Variants in PREX2 observed in about 807,000 individuals in gnomAD.
PREX2 encodes the protein phosphatidylinositol 3,4,5-trisphosphate-dependent Rac exchanger 2 protein.
PREX2 carries 107 observed loss-of-function variants against 203.2 expected under a neutral mutation model. The ratio of observed to expected loss-of-function variants is 0.53; its 90% CI spans 0.45 to 0.62. The LOEUF (loss-of-function observed/expected upper bound fraction) is 0.62. Ranked by LOEUF, PREX2 falls within the 20% of genes least tolerant of loss-of-function variation. The probability of loss-of-function intolerance (pLI) is 0.00; values close to 1 mark genes in which losing one functional copy is unlikely to be tolerated. For missense variants in PREX2, 1,777 were observed against 1,955.9 expected (o/e 0.91, Z 1.72); for synonymous variants, 672 against 663.6 (o/e 1.01, Z -0.19).
At chr8:68,178,477 T>G (rs1163240595) in intron 35 of PREX2, among the ~76,000 whole-genome samples, 1 of 151,994 alleles carries the variant, frequency 6.6e-6, no homozygotes, top group East Asian at 1.9e-4. Context: ...GGTTGCTTGT[T>G]TTTTTTTCTT....
intron 1 of PREX2, among the ~76,000 whole-genome samples, chr8:67,955,965 G>A (rs1805484626): frequency 6.6e-6 from 1 of 152,060 alleles, no homozygotes; most frequent in African/African-American, 2.4e-5. Flanking sequence ...ATTTAAATCA[G>A]GTATTGAGGT....
In PREX2 at chr8:68,121,058, G is replaced by A; in HGVS notation, c.3724+9G>A. The A allele has an allele frequency of 1.2e-6, 2 of 1,612,402 alleles. No individual in the cohort carries two copies. Among genetic ancestry groups the A allele is most frequent in the East Asian group, 2.2e-5 (1 of 44,848 alleles). On this transcript the variant is annotated intron_variant, in intron 30 of 39. Transcript: ENST00000288368. ...CAGGAAATTTGTTGAAGGTCAGCATGAAAAGCAAAGAACATTGCATGATAT... is the reference window on the plus strand; with the variant it reads ...CAGGAAATTTGTTGAAGGTCAGCATAAAAAGCAAAGAACATTGCATGATAT...
chr8:68,149,731 C>A (rs920238019), intron 34 of PREX2, among the ~76,000 whole-genome samples: 1 of 152,090 alleles, frequency 6.6e-6, no homozygotes, highest in Non-Finnish European at 1.5e-5. Context: ...CAGGCTCTGC[C>A]CCATGCAAAA....
Position 68,069,028 on chromosome 8 carries a change from C to T in PREX2, c.1340-5C>T, listed in dbSNP as rs1809104640. 2 of 1,262,076 alleles carry T rather than the reference C, an allele frequency of 1.6e-6. No individual in the cohort carries two copies. Among genetic ancestry groups the T allele is most frequent in the African/African-American group, 1.6e-5 (1 of 64,034 alleles). The allele number at this position is 1,262,076 out of a possible 1,614,324, so 78.2% of individuals were successfully genotyped here. ...TATTTTAATATAGTATTTCTATGTTCTTAGTTACTGATAAACATCAATTCA... is the reference window on the plus strand; with the variant it reads ...TATTTTAATATAGTATTTCTATGTTTTTAGTTACTGATAAACATCAATTCA... On this transcript the variant is annotated splice_region_variant and splice_polypyrimidine_tract_variant and intron_variant, in intron 11 of 39. Transcript: ENST00000288368.
intron 37 of PREX2, among the ~76,000 whole-genome samples, chr8:68,202,887 C>G (rs1480913564): frequency 6.6e-6 from 1 of 152,132 alleles, no homozygotes; most frequent in Non-Finnish European, 1.5e-5. Context: ...GTCTGAGAAC[C>G]AAGGAAGCCA....
chr8:68,087,657 CACG>C (rs1360928546), intron 18 of PREX2, 64 bp from the exon 19 acceptor site: 3 of 1,110,620 alleles, frequency 2.7e-6, no homozygotes, highest in Non-Finnish European at 4.2e-6. Context: ...TAAAGCTGTA[CACG>C]ACGATTATTT....
chr8:68,197,725 A>G (rs1464445662), intron 37 of PREX2, among the ~76,000 whole-genome samples: 2 of 148,340 alleles, frequency 1.3e-5, no homozygotes, highest in Non-Finnish European at 3.0e-5. Flanking sequence ...AATCTATGCT[A>G]TATATACATA....
chr8:68,047,413 A>G (rs1217755172), intron 8 of PREX2, among the ~76,000 whole-genome samples: 1 of 149,712 alleles, frequency 6.7e-6, no homozygotes, highest in Non-Finnish European at 1.5e-5. Context: ...GTCATTGCCA[A>G]AAGAAAAAAC....
intron 1 of PREX2, among the ~76,000 whole-genome samples, chr8:67,999,985 T>C (rs191774173): frequency 2.6e-5 from 4 of 152,274 alleles, no homozygotes; most frequent in Non-Finnish European, 5.9e-5. Flanking sequence ...TAAAACCACC[T>C]GTGACAAACC....
At chr8:68,051,482 C>A (rs1808525786) in intron 8 of PREX2, among the ~76,000 whole-genome samples, 1 of 152,048 alleles carries the variant, frequency 6.6e-6, no homozygotes, top group Non-Finnish European at 1.5e-5. Flanking sequence ...TGTTAGGTTA[C>A]AAGTGGTTAG....
chr8:68,015,625 A>G (rs1297855959), intron 1 of PREX2, among the ~76,000 whole-genome samples: 1 of 152,182 alleles, frequency 6.6e-6, no homozygotes, highest in Non-Finnish European at 1.5e-5. Context: ...CTTGCACGAG[A>G]GGTTACCTGT....
chr8:68,113,126 T>C (rs918421076), intron 25 of PREX2, among the ~76,000 whole-genome samples: 1 of 152,240 alleles, frequency 6.6e-6, no homozygotes, highest in Non-Finnish European at 1.5e-5. Context: ...TGATGCCTTG[T>C]TGCTTTTCAG....
chr8:67,997,216 C>T (rs12550275), intron 1 of PREX2, among the ~76,000 whole-genome samples: 22,832 of 152,056 alleles, frequency 0.15, 2,372 homozygotes, highest in East Asian at 0.46. Context: ...TCAGTTAACC[C>T]TCATGTTTGA....
chr8:68,185,961 A>G (rs1812180790), intron 35 of PREX2, among the ~76,000 whole-genome samples: 1 of 148,564 alleles, frequency 6.7e-6, no homozygotes, highest in Non-Finnish European at 1.5e-5. Flanking sequence ...TTTGGCATTC[A>G]TCAAATTTTG....
chr8:68,089,452 A>G (rs1448005869), intron 19 of PREX2, among the ~76,000 whole-genome samples: 1 of 152,138 alleles, frequency 6.6e-6, no homozygotes, highest in Admixed American at 6.5e-5. Context: ...AGTCAAGGCA[A>G]AGACTTCACA....
At chr8:68,118,710 T>A (rs895631153) in intron 27 of PREX2, 66 bp downstream of exon 27, 2 of 1,123,246 alleles carry the variant, frequency 1.8e-6, no homozygotes, top group Non-Finnish European at 2.7e-6. Context: ...ACTTTAAGGT[T>A]TTAATTTCGT....
chr8:67,979,117 A>G (rs1272835255), intron 1 of PREX2, among the ~76,000 whole-genome samples: 1 of 152,216 alleles, frequency 6.6e-6, no homozygotes, highest in Non-Finnish European at 1.5e-5. Flanking sequence ...TTACAGTGAT[A>G]AAAGACAGGA....
At chr8:68,037,003 T>A (rs1808054380) in intron 6 of PREX2, among the ~76,000 whole-genome samples, 1 of 152,052 alleles carries the variant, frequency 6.6e-6, no homozygotes, top group Non-Finnish European at 1.5e-5. Flanking sequence ...ATAATCAAAT[T>A]AATATAAAAA....
chr8:67,987,275 T>C (rs1806462740), intron 1 of PREX2, among the ~76,000 whole-genome samples: 1 of 152,152 alleles, frequency 6.6e-6, no homozygotes, highest in Non-Finnish European at 1.5e-5. Context: ...CAACTCTTTT[T>C]TAAAGTTAAG....
Sources: gnomAD v4.1 joint callset for allele counts (sites outside exome capture counted in the v4.1 genomes callset) on GRCh38, gnomAD v4.1.1 for gene constraint, MANE v1.5 for transcripts, NCBI Gene and HGNC (gene_info 2026-07-23, HGNC 2026-07-21) for gene names.